BLTP3A: variants seen among roughly 807,000 people sequenced by gnomAD.
BLTP3A encodes bridge-like lipid transfer protein family member 3A, also known as ICBP90 binding protein 1.
chr6:34,834,614 T>C, the BLTP3A span: 2 of 1,443,790 alleles, frequency 1.4e-6, no homozygotes, highest in Non-Finnish European at 1.9e-6. Flanking sequence ...GGATCCCAAC[T>C]GAGAGTGCTG....
the BLTP3A span, among the ~76,000 whole-genome samples, chr6:34,795,789 G>A: frequency 6.6e-6 from 1 of 152,154 alleles, no homozygotes; most frequent in Non-Finnish European, 1.5e-5. Context: ...AATAGATGAA[G>A]TAGGAATAAG....
chr6:34,821,501 C>T, the BLTP3A span: 1 of 721,596 alleles, frequency 1.4e-6, no homozygotes, highest in Non-Finnish European at 2.2e-6. Context: ...TTACAGTTTT[C>T]TGTGTTCCTT....
At chr6:34,856,881 A>G in the BLTP3A span, 1 of 1,614,170 alleles carries the variant, frequency 6.2e-7, no homozygotes, top group South Asian at 1.1e-5. Context: ...GGAACCGCTT[A>G]CGCTCTAGCT....
chr6:34,823,487 A>T, the BLTP3A span: 1 of 625,452 alleles, frequency 1.6e-6, no homozygotes, highest in Non-Finnish European at 2.9e-6. Flanking sequence ...ACCTCCATAT[A>T]CCCAAGATCT....
At chr6:34,810,640 TTTG>T in the BLTP3A span, among the ~76,000 whole-genome samples, 1 of 152,266 alleles carries the variant, frequency 6.6e-6, no homozygotes, top group East Asian at 1.9e-4. Flanking sequence ...AGCTAATTAT[TTTG>T]TTTTTTTGTA....
the BLTP3A span, among the ~76,000 whole-genome samples, chr6:34,807,547 G>T: frequency 2.9e-4 from 44 of 152,322 alleles, no homozygotes; most frequent in East Asian, 7.7e-3. Context: ...GGCTACTGTT[G>T]CGAATTAAGA....
chr6:34,841,164 T>A, the BLTP3A span, among the ~76,000 whole-genome samples: 12 of 152,118 alleles, frequency 7.9e-5, no homozygotes, highest in African/African-American at 1.4e-4. Context: ...TTTTATTATT[T>A]TTTTTGATTC....
the BLTP3A span, among the ~76,000 whole-genome samples, chr6:34,811,686 G>GGC: frequency 3.3e-5 from 3 of 90,898 alleles, no homozygotes; most frequent in East Asian, 4.1e-4. Context: ...CCCCCCCCCC[G>GGC]CATCTCTACT....
the BLTP3A span, among the ~76,000 whole-genome samples, chr6:34,863,277 G>GT: frequency 9.2e-5 from 14 of 152,232 alleles, no homozygotes; most frequent in South Asian, 2.7e-3. Flanking sequence ...TGGGAGGGTG[G>GT]TATTTAAAGG....
At chr6:34,866,285 T>C in the BLTP3A span, among the ~76,000 whole-genome samples, 1 of 151,916 alleles carries the variant, frequency 6.6e-6, no homozygotes, top group Non-Finnish European at 1.5e-5. Flanking sequence ...GCGCCTGTAA[T>C]CCCAGCTACT....
the BLTP3A span, among the ~76,000 whole-genome samples, chr6:34,816,236 G>A: frequency 2.6e-5 from 4 of 152,150 alleles, no homozygotes; most frequent in African/African-American, 9.7e-5. Flanking sequence ...CTGTGTTTAT[G>A]TTTTATTTTA....
At chr6:34,852,778 T>A in the BLTP3A span, among the ~76,000 whole-genome samples, 3 of 151,890 alleles carry the variant, frequency 2.0e-5, no homozygotes, top group Admixed American at 2.0e-4. Context: ...TCAAATTTCT[T>A]AAAGGATCCT....
chr6:34,825,396 C>T, the BLTP3A span, among the ~76,000 whole-genome samples: 1 of 152,100 alleles, frequency 6.6e-6, no homozygotes. Flanking sequence ...CAACCTCCAC[C>T]TCCCTGGTTC....
chr6:34,851,741 A>G, the BLTP3A span, among the ~76,000 whole-genome samples: 3 of 152,158 alleles, frequency 2.0e-5, no homozygotes, highest in South Asian at 6.2e-4. Context: ...GGGATCCAAG[A>G]ATGCCATCCA....
chr6:34,801,160 C>T, the BLTP3A span, among the ~76,000 whole-genome samples: 1 of 152,128 alleles, frequency 6.6e-6, no homozygotes, highest in Non-Finnish European at 1.5e-5. Flanking sequence ...GGATTCCAGC[C>T]TATCATTTTA....
chr6:34,813,659 T>C, the BLTP3A span, among the ~76,000 whole-genome samples: 1 of 152,168 alleles, frequency 6.6e-6, no homozygotes, highest in African/African-American at 2.4e-5. Flanking sequence ...TATCCTCAAT[T>C]AGGAACACAA....
the BLTP3A span, among the ~76,000 whole-genome samples, chr6:34,802,484 C>T: frequency 6.6e-6 from 1 of 152,122 alleles, no homozygotes; most frequent in Admixed American, 6.6e-5. Context: ...ATTCTCCCGC[C>T]TCAGCCTCCC....
chr6:34,859,114 G>A, the BLTP3A span: 5 of 1,614,196 alleles, frequency 3.1e-6, no homozygotes, highest in Non-Finnish European at 4.2e-6. Flanking sequence ...GAAGTCTGAT[G>A]CCTCATCAGA....
At chr6:34,799,556 A>G in the BLTP3A span, among the ~76,000 whole-genome samples, 2 of 152,200 alleles carry the variant, frequency 1.3e-5, no homozygotes, top group Admixed American at 1.3e-4. Context: ...TGTATTTGAC[A>G]TTCAACAGCA....
Sources: gnomAD v4.1 joint callset for allele counts (sites outside exome capture counted in the v4.1 genomes callset) on GRCh38, gnomAD v4.1.1 for gene constraint, MANE v1.5 for transcripts, NCBI Gene and HGNC (gene_info 2026-07-23, HGNC 2026-07-21) for gene names.